HAPLN1: variants seen among roughly 807,000 people sequenced by gnomAD.
HAPLN1 encodes the protein hyaluronan and proteoglycan link protein 1.
A neutral mutation model predicts 36.5 loss-of-function variants in HAPLN1; 13 were observed. That is an observed-to-expected ratio of 0.36 (90% CI 0.23 to 0.57). HAPLN1 has a LOEUF of 0.57. Among genes scored for constraint, HAPLN1 ranks in the 20% least tolerant of loss-of-function variants. The probability of loss-of-function intolerance (pLI) is 0.83; values close to 1 mark genes in which losing one functional copy is unlikely to be tolerated. For missense variants in HAPLN1, 407 were observed against 439.7 expected, an observed-to-expected ratio of 0.93 and a Z score of 0.66; for synonymous variants, 202 against 169.8, an observed-to-expected ratio of 1.19 and a Z score of -1.48.
chr5:83,696,860 A>T (rs373214911), intron 1 of HAPLN1, among the ~76,000 whole-genome samples: 6 of 152,286 alleles, frequency 3.9e-5, no homozygotes, highest in African/African-American at 1.4e-4. Flanking sequence ...GTTGCCTATT[A>T]GTTGTTACTG....
At chr5:83,684,754 A>G (rs1279542101) in intron 1 of HAPLN1, among the ~76,000 whole-genome samples, 2 of 152,090 alleles carry the variant, frequency 1.3e-5, no homozygotes, top group Non-Finnish European at 1.5e-5. Flanking sequence ...CATAAAATTA[A>G]TGAGAACTTT....
chr5:83,714,626 G>T (rs183723018), intron 1 of HAPLN1, among the ~76,000 whole-genome samples: 4 of 152,084 alleles, frequency 2.6e-5, no homozygotes, highest in Non-Finnish European at 5.9e-5. Flanking sequence ...GCTTTGACCC[G>T]TATTTTCAAC....
At chr5:83,665,622 T>C (rs1047750816) in intron 2 of HAPLN1, among the ~76,000 whole-genome samples, 1 of 152,240 alleles carries the variant, frequency 6.6e-6, no homozygotes, top group Non-Finnish European at 1.5e-5. Flanking sequence ...TACTTGACTG[T>C]AGTAAAATGC....
rs533067026 is a variant in HAPLN1, at chr5:83,719,207, A to G, written c.-27+1582T>C. 3.9e-5 allele frequency among the ~76,000 whole-genome samples: 6 copies of G among 152,320 alleles called. No homozygotes were observed. The South Asian group carries it at 1.2e-3, about 32-fold the overall frequency. The stretch of plus-strand genomic sequence containing the variant: ...GGGCCTTGCTGAAAATAAATGGCTC[A>G]TTTTATAAATAAGTACATAATGTTT... On this transcript the variant is annotated intron_variant, in intron 1 of 4. Coordinates refer to ENST00000274341, the MANE Select transcript of HAPLN1 (RefSeq NM_001884.4).
intron 1 of HAPLN1, among the ~76,000 whole-genome samples, chr5:83,709,544 G>C (rs1751729020): frequency 7.3e-6 from 1 of 137,060 alleles, no homozygotes; most frequent in Non-Finnish European, 1.7e-5. Context: ...GTGCTGGTTT[G>C]TTGCAAGGGT....
chr5:83,709,267 T>C (rs1274219831), intron 1 of HAPLN1, among the ~76,000 whole-genome samples: 1 of 152,222 alleles, frequency 6.6e-6, no homozygotes, highest in Non-Finnish European at 1.5e-5. Flanking sequence ...TATTTTCATA[T>C]TGGGCAAATG....
chr5:83,714,158 C>T (rs550703004), intron 1 of HAPLN1, among the ~76,000 whole-genome samples: 1 of 152,060 alleles, frequency 6.6e-6, no homozygotes, highest in African/African-American at 2.4e-5. Context: ...GTCAGGCATT[C>T]GTATCTCCAA....
rs1308832079 is a variant in HAPLN1 at position 83,638,903 on chromosome 5, A to G, written c.*2593T>C. The G allele has an allele frequency of 6.6e-6, 1 of 151,950 alleles. No homozygotes were observed. The highest frequency in any genetic ancestry group is 1.9e-4 in the East Asian group (1 of 5,190). The allele number at this position is 151,950 out of a possible 1,614,324, so 9.4% of individuals were successfully genotyped here. On this transcript the variant is annotated 3_prime_UTR_variant, in exon 5 of 5. Transcript: ENST00000274341. ...GTAGATGTCTCAGTGAAATGTGCAG[A>G]TATACTTTGTTCCTTATATGGTCAC...
intron 2 of HAPLN1, among the ~76,000 whole-genome samples, chr5:83,663,308 T>C (rs1750462481): frequency 6.6e-6 from 1 of 152,192 alleles, no homozygotes; most frequent in Non-Finnish European, 1.5e-5. Flanking sequence ...TAATTTAAAA[T>C]TTTAAAAAAT....
chr5:83,669,678 G>C (rs1750650995), intron 2 of HAPLN1, among the ~76,000 whole-genome samples: 1 of 152,148 alleles, frequency 6.6e-6, no homozygotes, highest in South Asian at 2.1e-4. Flanking sequence ...ACCAGTATTT[G>C]TAGTCTGTTT....
chr5:83,642,002 G>C (rs994668059), intron 4 of HAPLN1, among the ~76,000 whole-genome samples: 5 of 152,088 alleles, frequency 3.3e-5, no homozygotes, highest in Non-Finnish European at 4.4e-5. Context: ...GTCCAGACAT[G>C]CCCCTTTTAT....
chr5:83,707,524 T>C (rs2112635359), intron 1 of HAPLN1, among the ~76,000 whole-genome samples: 3 of 152,326 alleles, frequency 2.0e-5, no homozygotes, highest in Admixed American at 2.0e-4. Flanking sequence ...GATTATTGGC[T>C]AGCGATATGC....
intron 1 of HAPLN1, among the ~76,000 whole-genome samples, chr5:83,707,194 AACT>A (rs1751673738): frequency 6.6e-6 from 1 of 152,226 alleles, no homozygotes; most frequent in African/African-American, 2.4e-5. Flanking sequence ...ATTCCTATCA[AACT>A]ACCAGTGACA....
At chr5:83,697,300 C>T (rs1751410786) in intron 1 of HAPLN1, among the ~76,000 whole-genome samples, 1 of 152,008 alleles carries the variant, frequency 6.6e-6, no homozygotes, top group Non-Finnish European at 1.5e-5. Flanking sequence ...AATTTGTGGT[C>T]CTTTTATGCC....
At chr5:83,681,922 G>A (rs1186261700) in intron 1 of HAPLN1, among the ~76,000 whole-genome samples, 1 of 152,110 alleles carries the variant, frequency 6.6e-6, no homozygotes, top group Non-Finnish European at 1.5e-5. Context: ...ACAACTAAAT[G>A]AATACAAACC....
chr5:83,691,218 G>T (rs1036075983), intron 1 of HAPLN1, among the ~76,000 whole-genome samples: 1 of 152,038 alleles, frequency 6.6e-6, no homozygotes, highest in Admixed American at 6.6e-5. Flanking sequence ...AGAGCCAAGA[G>T]TTCTGAAAAT....
chr5:83,664,052 G>A (rs577217497), intron 2 of HAPLN1, among the ~76,000 whole-genome samples: 1 of 152,148 alleles, frequency 6.6e-6, no homozygotes, highest in African/African-American at 2.4e-5. Context: ...TCTGAACTCT[G>A]AACTCTGGAC....
At position 83,673,519 on chromosome 5, in the gene HAPLN1, T is replaced by C; in HGVS notation, c.5A>G (p.Lys2Arg). The C allele has an allele frequency of 6.2e-7, 1 of 1,609,214 alleles. No homozygotes were observed. The highest frequency in any genetic ancestry group is 8.5e-7 in the Non-Finnish European group (1 of 1,175,912). Residue 2 changes from lysine (K) to arginine (R), a missense_variant, in exon 2 of 5, where the codon AAG becomes AGG. Physicochemically the swap from Lys to Arg is conservative, Grantham distance 26. Coordinates refer to ENST00000274341, the MANE Select transcript of HAPLN1 (RefSeq NM_001884.4). M[K>R]SLLLLVLISI... ...AATCAGCACCAGAAGAAGTAGACTC[T>C]TCATCTTTATAGCCCAAAGAATCTT... is the stretch of plus-strand genomic sequence containing the variant.
At chr5:83,691,578 C>T (rs78230621) in intron 1 of HAPLN1, among the ~76,000 whole-genome samples, 2,138 of 151,984 alleles carry the variant, frequency 0.014, 25 homozygotes, top group Non-Finnish European at 0.023. Context: ...AAAAGAGTGA[C>T]CTGAAAGAAT....
Sources: allele counts gnomAD v4.1 joint callset (sites outside exome capture counted in the v4.1 genomes callset), GRCh38; gene constraint gnomAD v4.1.1; transcripts MANE v1.5; gene names NCBI Gene and HGNC (gene_info 2026-07-23, HGNC 2026-07-21).